COL12A1: variants seen among roughly 807,000 people sequenced by gnomAD.
The protein encoded by COL12A1 is collagen type XII alpha 1 chain, also known as collagen alpha-1(XII) chain.
In COL12A1, 114 loss-of-function variants were observed where a neutral mutation model predicts 349.7. The ratio of observed to expected loss-of-function variants is 0.33; its 90% CI spans 0.28 to 0.38. The LOEUF (loss-of-function observed/expected upper bound fraction) is 0.38, where lower values mean the gene tolerates loss of function less well. COL12A1 is among the 10% of genes least tolerant of loss of function. The pLI is 1.00. For missense variants in COL12A1, 3,284 were observed against 3,756.9 expected, an observed-to-expected ratio of 0.87 and a Z score of 3.29; for synonymous variants, 1,369 against 1,329.0, an observed-to-expected ratio of 1.03 and a Z score of -0.66.
At chr6:75,111,462 T>G (rs1768836755) in intron 51 of COL12A1, among the ~76,000 whole-genome samples, 1 of 151,940 alleles carries the variant, frequency 6.6e-6, no homozygotes, top group African/African-American at 2.4e-5. Flanking sequence ...TTAAAATTTT[T>G]AGATAAAATG....
chr6:75,144,890 G>A (rs1437314689), intron 25 of COL12A1, among the ~76,000 whole-genome samples: 1 of 152,152 alleles, frequency 6.6e-6, no homozygotes, highest in Non-Finnish European at 1.5e-5. Flanking sequence ...ACATCAACAA[G>A]AACTTGGAGC....
At chr6:75,128,559 G>T (rs1000503921) in intron 37 of COL12A1, 134 bp from the exon 38 acceptor site, 2 of 681,480 alleles carry the variant, frequency 2.9e-6, no homozygotes, top group East Asian at 3.5e-5. Context: ...CACAATGCTC[G>T]TGACAAGACA....
intron 40 of COL12A1, among the ~76,000 whole-genome samples, 191 bp downstream of exon 40, chr6:75,124,936 A>G (rs1056320538): frequency 6.6e-6 from 1 of 152,164 alleles, no homozygotes; most frequent in Non-Finnish European, 1.5e-5. Flanking sequence ...TTCTCACCAT[A>G]TATATTTTTA....
chr6:75,117,572 A>G lies in COL12A1; in HGVS notation c.7355-26T>C, dbSNP rs756731918. 123 of 1,601,070 alleles carry G rather than the reference A, an allele frequency of 7.7e-5. 1 individual carries two copies. Among genetic ancestry groups the G allele is most frequent in the Non-Finnish European group, 9.7e-5 (114 of 1,170,634 alleles). On this transcript the variant is annotated intron_variant, in intron 46 of 65. Coordinates refer to ENST00000322507, the MANE Select transcript of COL12A1 (RefSeq NM_004370.6). The stretch of plus-strand genomic sequence containing the variant: ...CTGCAAAGTAGCATTTATAGAATGA[A>G]TCACGTATCTCTTTTTCTGTCCTTG...
At chr6:75,132,687 A>G (rs571205860) in intron 34 of COL12A1, among the ~76,000 whole-genome samples, 5 of 152,350 alleles carry the variant, frequency 3.3e-5, no homozygotes, top group Non-Finnish European at 7.3e-5. Context: ...CAATAACATC[A>G]TCTTCCTAGA....
rs764153192 is a variant in COL12A1, at chr6:75,154,515, T to G, written c.3466A>C (p.Asn1156His). 67 of 1,609,914 alleles carry G rather than the reference T, an allele frequency of 4.2e-5. No homozygotes were observed. Among genetic ancestry groups the G allele is most frequent in the Non-Finnish European group, 5.3e-5 (62 of 1,177,466 alleles). The change falls in exon 17 of 66, where the codon AAT (asparagine) becomes CAT (histidine). Residue 1156 changes from asparagine to histidine, a missense_variant. Coordinates refer to ENST00000322507, the MANE Select transcript of COL12A1 (RefSeq NM_004370.6). Reference sequence around the variant, plus strand: ...CCTCCATCAAACATTCCAAAAACATTTACTTTATAGGTGGTACCAGCCCTA... The same window carrying G: ...CCTCCATCAAACATTCCAAAAACATGTACTTTATAGGTGGTACCAGCCCTA... The part of the protein sequence containing the change: ...ELRAGTTYKV[N>H]VFGMFDGGES...
intron 37 of COL12A1, 28 bp from the exon 38 acceptor site, chr6:75,128,453 A>G (rs751777563): frequency 6.6e-7 from 1 of 1,525,368 alleles, no homozygotes; most frequent in Non-Finnish European, 8.8e-7. Context: ...TTATAAATAT[A>G]TTACCATCTA....
intron 14 of COL12A1, 80 bp downstream of exon 14, chr6:75,165,427 G>A: frequency 6.6e-7 from 1 of 1,510,194 alleles, no homozygotes; most frequent in Non-Finnish European, 8.9e-7. Flanking sequence ...ACATTCAAGT[G>A]ATTAAACTGC....
At position 75,183,446 on chromosome 6, in the gene COL12A1, T is replaced by C. The variant is rs756684789; in HGVS notation, c.1495A>G (p.Lys499Glu). 1.2e-6 allele frequency: 2 copies of C among 1,614,202 alleles called. No homozygotes were observed. Among genetic ancestry groups the C allele is most frequent in the Admixed American group, 1.7e-5 (1 of 60,012 alleles). Residue 499 changes from lysine (K) to glutamate (E), a missense_variant, in exon 10 of 66, where the codon AAA becomes GAA. Coordinates refer to ENST00000322507, the MANE Select transcript of COL12A1 (RefSeq NM_004370.6). The part of the protein sequence containing the change: ...HTEFTLKKFT[K>E]VEDIIEAINT... ...ATTGCTTCAATTATATCTTCAACTT[T>C]GGTGAATTTTTTCAAAGTGAACTCA...
rs551470238 is a variant in COL12A1 at position 75,197,343 on chromosome 6, G to A, written c.74-2396C>T. On this transcript the variant is annotated intron_variant, in intron 2 of 65. Coordinates refer to ENST00000322507, the MANE Select transcript of COL12A1 (RefSeq NM_004370.6). ...TTTTTTTTTTTTGAGACGGAGTTTC[G>A]CTCTTGTTGCCCAGGCTGGAGTGCA... 5.2e-4 allele frequency among the ~76,000 whole-genome samples: 69 copies of A among 132,872 alleles called. 1 individual carries two copies. Among genetic ancestry groups the A allele is most frequent in the African/African-American group, 1.8e-3 (62 of 35,250 alleles). The allele number at this position is 132,872 out of a possible 152,430, so 87.2% of individuals were successfully genotyped here. A position where few individuals can be genotyped will look rare whatever the true frequency, so the allele number is the denominator to read the frequency against.
intron 5 of COL12A1, 98 bp from the exon 6 acceptor site, chr6:75,189,913 G>A: frequency 1.5e-6 from 2 of 1,299,896 alleles, no homozygotes; most frequent in South Asian, 1.4e-5. Flanking sequence ...AAATCATTCT[G>A]TTCATTAGAA....
intron 52 of COL12A1, among the ~76,000 whole-genome samples, chr6:75,108,484 C>T (rs899716831): frequency 5.9e-5 from 9 of 152,098 alleles, no homozygotes; most frequent in African/African-American, 1.4e-4. Context: ...GGGGTTGGCA[C>T]GCTCCTGCCT....
At chr6:75,180,571 CAT>C (rs1014346865) in intron 11 of COL12A1, among the ~76,000 whole-genome samples, 1 of 150,728 alleles carries the variant, frequency 6.6e-6, no homozygotes, top group Admixed American at 6.6e-5. Flanking sequence ...CCTATATATA[CAT>C]ATATATATTT....
chr6:75,170,755 T>C (rs1945582489), intron 13 of COL12A1, among the ~76,000 whole-genome samples: 2 of 152,154 alleles, frequency 1.3e-5, no homozygotes, highest in Admixed American at 1.3e-4. Context: ...CAGCAGTAAA[T>C]CAGGGAAAAC....
At chr6:75,172,111 G>T (rs775254122) in intron 13 of COL12A1, among the ~76,000 whole-genome samples, 1 of 152,128 alleles carries the variant, frequency 6.6e-6, no homozygotes, top group African/African-American at 2.4e-5. Flanking sequence ...TTCCCTTAGA[G>T]ATTGTTTCTT....
At chr6:75,113,406 T>C (rs1768931953) in intron 50 of COL12A1, 93 bp from the exon 51 acceptor site, 15 of 1,001,356 alleles carry the variant, frequency 1.5e-5, no homozygotes, top group Non-Finnish European at 7.0e-6. Context: ...GAGATTTCTT[T>C]AAAAATATAA....
chr6:75,137,031 T>C, intron 31 of COL12A1, among the ~76,000 whole-genome samples: 1 of 151,950 alleles, frequency 6.6e-6, no homozygotes, highest in East Asian at 1.9e-4. Context: ...GGAAATGAGA[T>C]AAATAGAAAA....
chr6:75,143,124 G>A (rs1225461655), intron 26 of COL12A1, 128 bp downstream of exon 26: 2 of 1,080,868 alleles, frequency 1.9e-6, no homozygotes, highest in East Asian at 2.4e-5. Context: ...AATATCACAA[G>A]TTTTCAACAC....
intron 59 of COL12A1, among the ~76,000 whole-genome samples, chr6:75,096,582 T>A (rs1043790041): frequency 1.3e-5 from 2 of 152,162 alleles, no homozygotes; most frequent in Non-Finnish European, 2.9e-5. Context: ...ATTTAAATGT[T>A]ATAGGCACAG....
Sources: allele counts gnomAD v4.1 joint callset (sites outside exome capture counted in the v4.1 genomes callset), GRCh38; gene constraint gnomAD v4.1.1; transcripts MANE v1.5; gene names NCBI Gene and HGNC (gene_info 2026-07-23, HGNC 2026-07-21).